The following MCM5 variants were observed in gnomAD, a reference collection of about 807,000 sequenced individuals.
The protein encoded by MCM5 is minichromosome maintenance complex component 5, also known as DNA replication licensing factor MCM5.
MCM5 carries 46 observed loss-of-function variants against 79.9 expected under a neutral mutation model. The observed-to-expected ratio is 0.58, with a 90% confidence interval of 0.45 to 0.74. The LOEUF (loss-of-function observed/expected upper bound fraction) is 0.74. Ranked by LOEUF, MCM5 falls within the 30% of genes least tolerant of loss-of-function variation. The pLI, the probability that MCM5 is intolerant of heterozygous loss-of-function variation, is 0.00. For missense variants in MCM5, 883 were observed against 1,017.0 expected, an observed-to-expected ratio of 0.87 and a Z score of 1.79; for synonymous variants, 404 against 390.5, an observed-to-expected ratio of 1.03 and a Z score of -0.41.
intron 16 of MCM5, 141 bp downstream of exon 16, chr22:35,423,482 C>A: frequency 1.1e-6 from 1 of 874,260 alleles, no homozygotes; most frequent in South Asian, 2.4e-5. Flanking sequence ...TTTCTCAGAC[C>A]TTTTCTAGCC....
intron 13 of MCM5, among the ~76,000 whole-genome samples, chr22:35,418,978 C>G (rs1932623044): frequency 1.3e-5 from 2 of 152,174 alleles, no homozygotes; most frequent in Admixed American, 1.3e-4. Flanking sequence ...TCTTGTCGTA[C>G]AGCGCTTTGG....
At chr22:35,425,534 A>C (rs1266006834), downstream of MCM5, 1 of 152,134 alleles carries the variant, frequency 6.6e-6, no homozygotes, top group Non-Finnish European at 1.5e-5. Flanking sequence ...TGGAGAGATG[A>C]GAGGAGCTAA....
At chr22:35,443,153 C>T in the MCM5 span, among the ~76,000 whole-genome samples, 1 of 152,204 alleles carries the variant, frequency 6.6e-6, no homozygotes, top group African/African-American at 2.4e-5. Context: ...TCGATTGCCA[C>T]ATGAGCATGA....
chr22:35,421,899 G>A (rs1932704163), intron 15 of MCM5: 1 of 283,366 alleles, frequency 3.5e-6, no homozygotes, highest in African/African-American at 2.2e-5. Context: ...CCTTTCCCTG[G>A]TGCCCAAGAT....
chr22:35,451,841 C>T, the MCM5 span, among the ~76,000 whole-genome samples: 3 of 152,164 alleles, frequency 2.0e-5, no homozygotes, highest in East Asian at 3.9e-4. Flanking sequence ...CTGAGGCCTG[C>T]GGGTGGTAAG....
the MCM5 span, among the ~76,000 whole-genome samples, chr22:35,454,163 C>CCCT: frequency 6.6e-6 from 1 of 152,036 alleles, no homozygotes; most frequent in Non-Finnish European, 1.5e-5. Flanking sequence ...CTTTCTGCTT[C>CCCT]CCTCCTCCTC....
Position 35,414,618 on chromosome 22 carries a change from CAAATAATAATAAT to C in MCM5, c.1203+648_1203+660del, listed in dbSNP as rs1932486784. Among the ~76,000 whole-genome samples the C allele has an allele frequency of 7.3e-5, 11 of 151,288 alleles. No homozygotes were observed. In the South Asian group the frequency reaches 2.1e-3, roughly 29 times the overall value. ...TGGGTGACAGAGTGAGACCATGTTT[CAAATAATAATAAT>C]AAATAATAATAATAATAATAATAGC... is the stretch of plus-strand genomic sequence containing the variant. On this transcript the variant is annotated intron_variant, in intron 9 of 16. Transcript: ENST00000216122.
intron 10 of MCM5, 108 bp from the exon 11 acceptor site, chr22:35,416,231 G>A (rs1216262601): frequency 6.1e-6 from 7 of 1,144,038 alleles, no homozygotes; most frequent in South Asian, 4.0e-5. Flanking sequence ...TTGGCCTTGC[G>A]TGGAGCTGGT....
Position 35,413,875 on chromosome 22 carries a change from GCTCCCTGATGGACTTA to G in MCM5, c.1096_1111del (p.Pro366AlafsTer8). 1 of 1,590,586 alleles carries G rather than the reference GCTCCCTGATGGACTTA, an allele frequency of 6.3e-7. No homozygotes were observed. Among genetic ancestry groups the G allele is most frequent in the Non-Finnish European group, 8.6e-7 (1 of 1,158,534 alleles). On this transcript the variant is annotated frameshift_variant and splice_region_variant, in exon 9 of 17. Coordinates refer to ENST00000216122, the MANE Select transcript of MCM5 (RefSeq NM_006739.4). LOFTEE classifies it high-confidence loss of function. ...TGTCCATCTACCCTTCGTCCCCCAG[GCTCCCTGATGGACTTA>G]CTCGCCGAGGAGACATCAACCTGCT... is the stretch of plus-strand genomic sequence containing the variant.
the MCM5 span, among the ~76,000 whole-genome samples, chr22:35,435,537 T>C: frequency 6.6e-6 from 1 of 152,190 alleles, no homozygotes; most frequent in Non-Finnish European, 1.5e-5. Flanking sequence ...GTGACCAGAC[T>C]CTCGGGGAGT....
intron 12 of MCM5, 78 bp from the exon 13 acceptor site, chr22:35,417,666 C>T (rs1310017763): frequency 8.9e-6 from 9 of 1,011,706 alleles, no homozygotes; most frequent in Admixed American, 8.7e-5. Context: ...TCAGCTCTTT[C>T]TGGCTGTTCC....
chr22:35,402,815 A>T (rs1257466667), intron 2 of MCM5, among the ~76,000 whole-genome samples: 3 of 152,152 alleles, frequency 2.0e-5, no homozygotes, highest in African/African-American at 7.2e-5. Context: ...AAGTGTTGGG[A>T]TTACAGGCAT....
intron 11 of MCM5, 49 bp from the exon 12 acceptor site, chr22:35,416,589 A>C: frequency 6.8e-7 from 1 of 1,461,092 alleles, no homozygotes; most frequent in Middle Eastern, 1.8e-4. Context: ...GTATATAAGA[A>C]GGCATCTTTG....
At chr22:35,451,575 G>A in the MCM5 span, among the ~76,000 whole-genome samples, 1 of 152,228 alleles carries the variant, frequency 6.6e-6, no homozygotes, top group Admixed American at 6.5e-5. Context: ...CAGGTGACTC[G>A]AGAGGGGGCT....
intron 16 of MCM5, 165 bp downstream of exon 16, chr22:35,423,506 T>G: frequency 3.1e-6 from 2 of 641,578 alleles, no homozygotes; most frequent in Non-Finnish European, 4.7e-6. Flanking sequence ...ATTCCTTCCC[T>G]AGGGACATCT....
At chr22:35,448,654 G>C in the MCM5 span, among the ~76,000 whole-genome samples, 1 of 152,216 alleles carries the variant, frequency 6.6e-6, no homozygotes, top group African/African-American at 2.4e-5. Context: ...TGAGGAGACA[G>C]AGGGAACTGA....
Position 35,403,344 on chromosome 22 carries a change from C to T in MCM5, c.294+11C>T. 1 of 1,613,968 alleles carries T rather than the reference C, an allele frequency of 6.2e-7. No individual in the cohort carries two copies. The highest frequency in any genetic ancestry group is 1.7e-5 in the Admixed American group (1 of 59,984). On this transcript the variant is annotated intron_variant, in intron 3 of 16. Coordinates refer to ENST00000216122, the MANE Select transcript of MCM5 (RefSeq NM_006739.4). ...GAGCACCTGCAGCTGGTGAGTGGGA[C>T]CCCATCCCTGAGCTTCCCAGGGCTG...
chr22:35,435,493 G>T, the MCM5 span, among the ~76,000 whole-genome samples: 1 of 152,212 alleles, frequency 6.6e-6, no homozygotes, highest in Non-Finnish European at 1.5e-5. Flanking sequence ...TTTCAGTGAG[G>T]AGGCTTCTGC....
rs1932012907 is a variant in MCM5, at chr22:35,400,569, T to G, written c.131T>G (p.Val44Gly). 1 of 1,613,234 alleles carries G rather than the reference T, an allele frequency of 6.2e-7. No individual in the cohort carries two copies. The highest frequency in any genetic ancestry group is 1.3e-5 in the African/African-American group (1 of 74,822). Residue 44 changes from valine (V) to glycine (G), a missense_variant, in exon 2 of 17, where the codon GTG (valine) becomes GGG (glycine). Val to Gly is a moderately radical substitution (Grantham distance 109). This residue lies in a region of MCM5 where 455 missense variants were observed against 517.5 expected (regional missense o/e 0.88). Transcript: ENST00000216122. ...AAGGAGTTCCTGCGGCAGTACCGAG[T>G]GGGCACCGACCGCACGGGCTTCACC... ...RFKEFLRQYRVGTDRTGFTFK... is the reference protein window; with the variant it reads ...RFKEFLRQYRGGTDRTGFTFK...
Sources: allele counts gnomAD v4.1 joint callset (sites outside exome capture counted in the v4.1 genomes callset), GRCh38; gene constraint gnomAD v4.1.1; regional missense constraint gnomAD v4.1.1; transcripts MANE v1.5; gene names NCBI Gene and HGNC (gene_info 2026-07-23, HGNC 2026-07-21).